AAMDC: variants seen among roughly 807,000 people sequenced by gnomAD.
The protein encoded by AAMDC is adipogenesis associated Mth938 domain containing, also known as mth938 domain-containing protein.
AAMDC carries 16 observed loss-of-function variants against 15.5 expected under a neutral mutation model. The ratio of observed to expected loss-of-function variants is 1.03; its 90% CI spans 0.70 to 1.57. AAMDC has a LOEUF of 1.57. Among genes scored for constraint, AAMDC ranks in the 40% most tolerant of loss-of-function variants. AAMDC has a pLI of 0.00. For synonymous variants in AAMDC, 51 were observed against 51.6 expected (o/e 0.99, Z 0.05); for missense variants, 141 against 144.9 (o/e 0.97, Z 0.14).
intron 2 of AAMDC, chr11:77,868,719 C>T (rs537223976): frequency 9.1e-6 from 2 of 219,340 alleles, no homozygotes; most frequent in South Asian, 9.3e-5. Context: ...CAAATTATGG[C>T]GTGAATTCAC....
At chr11:77,870,288 A>G (rs981918537) in intron 3 of AAMDC, among the ~76,000 whole-genome samples, 72 of 145,160 alleles carry the variant, frequency 5.0e-4, no homozygotes, top group Non-Finnish European at 9.7e-4. Flanking sequence ...CCAAAATGCT[A>G]GGATTACAAA....
At chr11:77,853,249 A>G (rs1055176257) in intron 2 of AAMDC, among the ~76,000 whole-genome samples, 11 of 152,234 alleles carry the variant, frequency 7.2e-5, no homozygotes, top group African/African-American at 2.2e-4. Context: ...TTGCATTGCT[A>G]TAAAGAACTA....
At chr11:77,845,776 A>G (rs1950121199) in intron 2 of AAMDC, among the ~76,000 whole-genome samples, 1 of 152,040 alleles carries the variant, frequency 6.6e-6, no homozygotes, top group Non-Finnish European at 1.5e-5. Flanking sequence ...CTTTATTGAT[A>G]TTTTTTATTT....
intron 1 of AAMDC, among the ~76,000 whole-genome samples, chr11:77,838,364 C>T (rs934281183): frequency 3.9e-5 from 6 of 152,060 alleles, no homozygotes; most frequent in Admixed American, 2.6e-4. Flanking sequence ...GAGATTATAT[C>T]CTTGATACAC....
intron 1 of AAMDC, chr11:77,831,846 C>T: frequency 6.4e-6 from 1 of 156,498 alleles, no homozygotes; most frequent in Non-Finnish European, 1.4e-5. Context: ...CAGACATGTG[C>T]CACCATGCCT....
chr11:77,834,555 C>T (rs1473256516), intron 1 of AAMDC, among the ~76,000 whole-genome samples: 1 of 146,368 alleles, frequency 6.8e-6, no homozygotes, highest in South Asian at 2.2e-4. Flanking sequence ...GCTGGAATTA[C>T]AAGTACATAC....
chr11:77,845,041 T>G (rs1227933674), intron 2 of AAMDC, among the ~76,000 whole-genome samples: 1 of 152,196 alleles, frequency 6.6e-6, no homozygotes, highest in Admixed American at 6.5e-5. Flanking sequence ...TCAAAACACA[T>G]CACAGTAATT....
At chr11:77,885,650 C>G (rs1011166086) in intron 5 of AAMDC, among the ~76,000 whole-genome samples, 1 of 151,906 alleles carries the variant, frequency 6.6e-6, no homozygotes, top group African/African-American at 2.4e-5. Flanking sequence ...GAAACCCCTT[C>G]TCTACTAAAA....
intron 5 of AAMDC, among the ~76,000 whole-genome samples, chr11:77,887,419 T>C (rs1429309654): frequency 1.3e-5 from 2 of 152,144 alleles, no homozygotes; most frequent in Non-Finnish European, 2.9e-5. Context: ...ATGAGACGTA[T>C]CTCAAAATAA....
At chr11:77,839,453 C>T (rs1178001990) in intron 1 of AAMDC, among the ~76,000 whole-genome samples, 1 of 152,152 alleles carries the variant, frequency 6.6e-6, no homozygotes, top group South Asian at 2.1e-4. Flanking sequence ...ATTTGACCCA[C>T]CAATCCCATT....
chr11:77,872,060 C>A, intron 3 of AAMDC, 115 bp from the exon 4 acceptor site: 1 of 1,192,918 alleles, frequency 8.4e-7, no homozygotes, highest in Non-Finnish European at 1.1e-6. Flanking sequence ...ACTGAGTGAT[C>A]GTGAAGTGAC....
intron 2 of AAMDC, among the ~76,000 whole-genome samples, 198 bp downstream of exon 2, chr11:77,842,826 T>G (rs1949990556): frequency 6.6e-6 from 1 of 152,240 alleles, no homozygotes; most frequent in South Asian, 2.1e-4. Flanking sequence ...GACATTATAG[T>G]GACTTACATT....
chr11:77,889,238 T>C (rs1591010299), intron 5 of AAMDC, among the ~76,000 whole-genome samples: 2 of 152,108 alleles, frequency 1.3e-5, no homozygotes, highest in South Asian at 2.1e-4. Context: ...TGGAATACTA[T>C]GCAGCCATAA....
At chr11:77,895,888 G>A (rs1049078938) in intron 5 of AAMDC, among the ~76,000 whole-genome samples, 1 of 152,168 alleles carries the variant, frequency 6.6e-6, no homozygotes, top group African/African-American at 2.4e-5. Flanking sequence ...TTCCTTTGGT[G>A]TGAGGGAAGG....
At chr11:77,843,149 T>C (rs1469079009) in intron 2 of AAMDC, among the ~76,000 whole-genome samples, 6 of 152,184 alleles carry the variant, frequency 3.9e-5, no homozygotes, top group Admixed American at 3.9e-4. Flanking sequence ...TATAGGAAGG[T>C]TCCAGTTTTT....
chr11:77,824,790 A>T (rs1347641146), intron 1 of AAMDC, among the ~76,000 whole-genome samples: 3 of 152,220 alleles, frequency 2.0e-5, no homozygotes, highest in African/African-American at 7.2e-5. Flanking sequence ...TTATTTCTCA[A>T]AATTCATTGA....
chr11:77,853,357 C>T (rs1030582002), intron 2 of AAMDC, among the ~76,000 whole-genome samples: 3 of 152,106 alleles, frequency 2.0e-5, no homozygotes, highest in African/African-American at 7.2e-5. Flanking sequence ...AGGAAACTTA[C>T]AATCATGGCA....
intron 2 of AAMDC, chr11:77,869,316 T>TC (rs1555014220): frequency 1.6e-4 from 25 of 161,132 alleles, no homozygotes; most frequent in Non-Finnish European, 2.8e-4. Context: ...CTTTTTCTTT[T>TC]TTTTTTTTTT....
intron 5 of AAMDC, among the ~76,000 whole-genome samples, chr11:77,881,583 T>G (rs1951793005): frequency 6.6e-6 from 1 of 152,228 alleles, no homozygotes; most frequent in Non-Finnish European, 1.5e-5. Context: ...AATACTAATT[T>G]CCACTGCAGA....
Sources: gnomAD v4.1 joint callset for allele counts (sites outside exome capture counted in the v4.1 genomes callset) on GRCh38, gnomAD v4.1.1 for gene constraint, MANE v1.5 for transcripts, NCBI Gene and HGNC (gene_info 2026-07-23, HGNC 2026-07-21) for gene names.